VWA5B1: variants seen among roughly 807,000 people sequenced by gnomAD.
VWA5B1 encodes von Willebrand factor A domain containing 5B1, also known as von Willebrand factor A domain-containing protein 5B1.
VWA5B1 carries 115 observed loss-of-function variants against 118.2 expected under a neutral mutation model. The ratio of observed to expected loss-of-function variants is 0.97; its 90% confidence interval spans 0.84 to 1.14. The LOEUF is 1.14. Ranked by LOEUF, VWA5B1 falls within the 50% of genes most tolerant of loss-of-function variation. The pLI, the probability that VWA5B1 is intolerant of heterozygous loss-of-function variation, is 0.00. For missense variants in VWA5B1, 1,596 were observed against 1,603.8 expected (o/e 1.00, Z 0.08); for synonymous variants, 682 against 658.4 (o/e 1.04, Z -0.55).
intron 16 of VWA5B1, 140 bp from the exon 17 acceptor site, chr1:20,345,316 G>A (rs1309300727): frequency 1.9e-5 from 20 of 1,061,012 alleles, no homozygotes; most frequent in Non-Finnish European, 2.7e-5. Flanking sequence ...TAGCAAGTTG[G>A]CAAGCCCTTG....
Position 20,337,711 on chromosome 1 carries a change from C to A in VWA5B1, c.2008C>A (p.Pro670Thr). Reference sequence around the variant, plus strand: ...CCAGATCACCAATCACAAGCCCCTCCCAAGAGCCACCATGGCAAGTGACCC... The same window carrying A: ...CCAGATCACCAATCACAAGCCCCTCACAAGAGCCACCATGGCAAGTGACCC... Reference protein sequence around the residue: ...TNQITNHKPLPRATMASDPMP... With the variant: ...TNQITNHKPLTRATMASDPMP... Residue 670 changes from proline to threonine, a missense_variant, in exon 14 of 22, where the codon CCA (proline) becomes ACA (threonine). Physicochemically the swap from Pro to Thr is conservative, Grantham distance 38 (BLOSUM62 -1). Transcript: ENST00000289815. 6.4e-7 allele frequency: 1 copy of A among 1,551,730 alleles called. No homozygotes were observed. The highest frequency in any genetic ancestry group is 8.7e-7 in the Non-Finnish European group (1 of 1,146,998).
chr1:20,293,951 C>T (rs1244625962), intron 1 of VWA5B1, among the ~76,000 whole-genome samples: 1 of 152,024 alleles, frequency 6.6e-6, no homozygotes, highest in Admixed American at 6.6e-5. Context: ...GTGCAGGCAG[C>T]GCTGGGAGGG....
rs192724464 is a variant in VWA5B1, at chr1:20,314,304, C to T, written c.293-18C>T. On this transcript the variant is annotated intron_variant, in intron 3 of 21. Transcript: ENST00000289815. ...GAGATAATCTATGTACAGCCCCTGACGCCAGCCTGGCACTTAGGGAACATT... is the reference window on the plus strand; with the variant it reads ...GAGATAATCTATGTACAGCCCCTGATGCCAGCCTGGCACTTAGGGAACATT... The T allele has an allele frequency of 2.6e-5, 41 of 1,550,718 alleles. No homozygotes were observed. The highest frequency in any genetic ancestry group is 1.7e-4 in the Middle Eastern group (1 of 6,008).
At chr1:20,326,534 C>T (rs1252741983) in intron 8 of VWA5B1, among the ~76,000 whole-genome samples, 4 of 152,086 alleles carry the variant, frequency 2.6e-5, no homozygotes, top group African/African-American at 7.2e-5. Context: ...GGCGTGATCT[C>T]GGCTCACTGC....
chr1:20,296,951 G>A (rs375581994), intron 1 of VWA5B1, among the ~76,000 whole-genome samples: 58 of 152,182 alleles, frequency 3.8e-4, no homozygotes, highest in African/African-American at 1.3e-3. Flanking sequence ...TTGCCTTTCA[G>A]GCCTCTTGCT....
chr1:20,356,012 G>C lies in VWA5B1; in HGVS notation c.*1749G>C, dbSNP rs1419812888. 6.6e-6 allele frequency among the ~76,000 whole-genome samples: 1 copy of C among 152,220 alleles called. No individual in the cohort carries two copies. The highest frequency in any genetic ancestry group is 1.9e-4 in the East Asian group (1 of 5,184). On this transcript the variant is annotated 3_prime_UTR_variant, in exon 22 of 22. Transcript: ENST00000289815. ...TGCCAATCTGGGGTGTTGGCTCAAA[G>C]TCAGTGCCACCAAGGCGGGTAAGAG...
chr1:20,338,918 G>A (rs140344962), intron 14 of VWA5B1: 9,564 of 152,218 alleles, frequency 0.063, 369 homozygotes, highest in Admixed American at 0.093. Flanking sequence ...TGCCTGCCTC[G>A]GCCTCCCAAA....
intron 1 of VWA5B1, among the ~76,000 whole-genome samples, chr1:20,295,556 G>C (rs2088389242): frequency 6.6e-6 from 1 of 152,162 alleles, no homozygotes; most frequent in African/African-American, 2.4e-5. Flanking sequence ...AGGGTCCCCG[G>C]GTGTCTCAGC....
chr1:20,344,389 G>A (rs913846632), intron 16 of VWA5B1, among the ~76,000 whole-genome samples: 1 of 152,156 alleles, frequency 6.6e-6, no homozygotes, highest in Non-Finnish European at 1.5e-5. Flanking sequence ...TCTGCTGGGG[G>A]CCAGGCTCCC....
Position 20,357,216 on chromosome 1 carries a change from C to A in VWA5B1, c.*2953C>A, listed in dbSNP as rs1299371363. 2.6e-5 allele frequency among the ~76,000 whole-genome samples: 4 copies of A among 152,206 alleles called. No individual in the cohort carries two copies. The highest frequency in any genetic ancestry group is 1.3e-4 in the Admixed American group (2 of 15,292). ...ACCCAAGCATGGGTCCCAACTCCAC[C>A]ACTAGTGTGCTGTGTGACTTCTGGC... On this transcript the variant is annotated 3_prime_UTR_variant, in exon 22 of 22. Coordinates refer to ENST00000289815, the MANE Select transcript of VWA5B1 (RefSeq NM_001039500.3).
intron 3 of VWA5B1, 125 bp downstream of exon 3, chr1:20,313,113 T>A: frequency 7.7e-7 from 1 of 1,292,352 alleles, no homozygotes; most frequent in Non-Finnish European, 1.0e-6. Flanking sequence ...ACTGAACTAG[T>A]CAAGAATCTT....
intron 7 of VWA5B1, 28 bp from the exon 8 acceptor site, chr1:20,323,328 C>A: frequency 7.0e-7 from 1 of 1,420,320 alleles, no homozygotes. Context: ...CCCTGATTGC[C>A]CAATCAGAGT....
At chr1:20,314,164 T>C (rs1570096892) in intron 3 of VWA5B1, among the ~76,000 whole-genome samples, 158 bp from the exon 4 acceptor site, 1 of 152,070 alleles carries the variant, frequency 6.6e-6, no homozygotes, top group Non-Finnish European at 1.5e-5. Context: ...GGGGTTCAGA[T>C]CCTGCTTCAA....
chr1:20,309,573 G>A (rs533380395), intron 1 of VWA5B1, among the ~76,000 whole-genome samples: 35 of 152,344 alleles, frequency 2.3e-4, no homozygotes, highest in Non-Finnish European at 8.8e-5. Context: ...GTGATGCTGG[G>A]CTGGAGAGGC....
chr1:20,324,385 CAGG>C (rs946419192), intron 8 of VWA5B1, among the ~76,000 whole-genome samples: 2 of 152,164 alleles, frequency 1.3e-5, no homozygotes, highest in African/African-American at 2.4e-5. Flanking sequence ...GCCCCACCCC[CAGG>C]AGATTACTGG....
intron 1 of VWA5B1, among the ~76,000 whole-genome samples, chr1:20,295,718 C>A (rs2088393904): frequency 6.6e-6 from 1 of 152,146 alleles, no homozygotes; most frequent in Non-Finnish European, 1.5e-5. Context: ...TGGTCCCAAC[C>A]CAGCCTAGAA....
At chr1:20,321,827 C>T (rs57857779) in intron 7 of VWA5B1, among the ~76,000 whole-genome samples, 135 of 152,078 alleles carry the variant, frequency 8.9e-4, no homozygotes, top group Middle Eastern at 3.4e-3. Flanking sequence ...AAGGTCAGTG[C>T]GGCTGAAATA....
rs57312184 is a variant in VWA5B1, at chr1:20,337,635, T to C, written c.1943-11T>C. The C allele has an allele frequency of 0.14, 215,220 of 1,548,242 alleles. 19,433 individuals carry two copies. The highest frequency in any genetic ancestry group is 0.54 in the East Asian group (21,905 of 40,808). On this transcript the variant is annotated splice_polypyrimidine_tract_variant and intron_variant, in intron 13 of 21. Transcript: ENST00000289815. ...CCACTCTGATGGTTCCCCATCACTATCCCTGTCCAGATCTGAACCTCTCTC... is the reference window on the plus strand; with the variant it reads ...CCACTCTGATGGTTCCCCATCACTACCCCTGTCCAGATCTGAACCTCTCTC...
intron 17 of VWA5B1, among the ~76,000 whole-genome samples, chr1:20,346,230 C>T (rs894403989): frequency 3.3e-5 from 5 of 152,196 alleles, no homozygotes; most frequent in Admixed American, 6.5e-5. Flanking sequence ...AAAAACAGCT[C>T]TACAAAGTAG....
Sources: gnomAD v4.1 joint callset for allele counts (sites outside exome capture counted in the v4.1 genomes callset) on GRCh38, gnomAD v4.1.1 for gene constraint, MANE v1.5 for transcripts, NCBI Gene and HGNC (gene_info 2026-07-23, HGNC 2026-07-21) for gene names.